Variants in MAGI1 observed in about 807,000 individuals in gnomAD.
The protein encoded by MAGI1 is membrane-associated guanylate kinase, WW and PDZ domain-containing protein 1.
Under a neutral mutation model 139.9 loss-of-function variants are expected in MAGI1, and 58 were observed. The observed-to-expected ratio is 0.41, with a 90% CI of 0.34 to 0.52. The LOEUF (loss-of-function observed/expected upper bound fraction) is 0.52. Among genes scored for constraint, MAGI1 ranks in the 20% least tolerant of loss-of-function variants. MAGI1 has a pLI of 0.12. For missense variants in MAGI1, 1,874 were observed against 1,901.6 expected (o/e 0.99, Z 0.27); for synonymous variants, 812 against 737.9 (o/e 1.10, Z -1.63).
chr3:65,430,739 G>A lies in MAGI1; in HGVS notation c.1506C>T (p.Val502=). Residue 502 remains valine (V), a synonymous_variant, in exon 11 of 23, where the codon GTC becomes GTT. Transcript: ENST00000402939. The part of the protein sequence containing the change: ...PDEFLQIKSL[V]LDGPAALDGK... Reference sequence around the variant, plus strand: ...CATCCAATGCAGCAGGACCATCTAGGACCAAGCTCTTGATCTGGAGAAACT... The same window carrying A: ...CATCCAATGCAGCAGGACCATCTAGAACCAAGCTCTTGATCTGGAGAAACT... The A allele has an allele frequency of 6.2e-7, 1 of 1,613,540 alleles. No individual in the cohort carries two copies. The highest frequency in any genetic ancestry group is 8.5e-7 in the Non-Finnish European group (1 of 1,179,744).
At chr3:65,553,512 T>C (rs1370873369) in intron 2 of MAGI1, among the ~76,000 whole-genome samples, 3 of 152,174 alleles carry the variant, frequency 2.0e-5, no homozygotes, top group African/African-American at 7.2e-5. Context: ...ACAATGGAGA[T>C]GTAACAGTGA....
At chr3:65,957,031 A>C (rs562741432) in intron 1 of MAGI1, among the ~76,000 whole-genome samples, 4 of 152,176 alleles carry the variant, frequency 2.6e-5, no homozygotes, top group Middle Eastern at 3.4e-3. Flanking sequence ...GGATTAGAAA[A>C]ATGCATAGTC....
intron 2 of MAGI1, among the ~76,000 whole-genome samples, chr3:65,589,998 TC>T (rs1470027094): frequency 6.6e-6 from 1 of 152,122 alleles, no homozygotes; most frequent in African/African-American, 2.4e-5. Context: ...CATGACTTAA[TC>T]CCTTCCCAGA....
At chr3:65,434,574 TGACA>T (rs1356814410) in intron 10 of MAGI1, among the ~76,000 whole-genome samples, 1 of 152,140 alleles carries the variant, frequency 6.6e-6, no homozygotes, top group African/African-American at 2.4e-5. Context: ...GGCTTCTTCC[TGACA>T]GTCTATCAAC....
chr3:65,775,502 CAAAAAAAAA>C (rs9311958), intron 1 of MAGI1, among the ~76,000 whole-genome samples: 1 of 36,594 alleles, frequency 2.7e-5, no homozygotes, highest in African/African-American at 1.1e-4. Flanking sequence ...CCCACTCTGC[CAAAAAAAAA>C]AAAAAAAAAA....
chr3:65,855,504 G>C (rs1200293531), intron 1 of MAGI1, among the ~76,000 whole-genome samples: 4 of 144,602 alleles, frequency 2.8e-5, no homozygotes, highest in African/African-American at 1.0e-4. Context: ...CAGAGACTGA[G>C]GCAGGGGGGA....
At chr3:65,770,630 T>G (rs571547650) in intron 1 of MAGI1, among the ~76,000 whole-genome samples, 67 of 152,342 alleles carry the variant, frequency 4.4e-4, no homozygotes, top group African/African-American at 1.5e-3. Flanking sequence ...ATGTGAGCAT[T>G]AGAAAAATAT....
At chr3:65,791,575 A>G (rs1045368550) in intron 1 of MAGI1, among the ~76,000 whole-genome samples, 3 of 152,236 alleles carry the variant, frequency 2.0e-5, no homozygotes, top group Non-Finnish European at 4.4e-5. Context: ...GACAAAGAAA[A>G]TGAATAAAAG....
intron 12 of MAGI1, among the ~76,000 whole-genome samples, chr3:65,408,467 A>C (rs557620275): frequency 2.0e-4 from 30 of 152,290 alleles, no homozygotes; most frequent in African/African-American, 6.7e-4. Flanking sequence ...TGATGAGTCA[A>C]AACAGTAAGA....
intron 1 of MAGI1, among the ~76,000 whole-genome samples, chr3:65,683,131 A>G (rs749791485): frequency 3.3e-5 from 5 of 152,168 alleles, no homozygotes; most frequent in Non-Finnish European, 5.9e-5. Flanking sequence ...CCAGCTGTGC[A>G]GCCCAGTTCC....
intron 1 of MAGI1, chr3:65,844,150 T>G (rs1328480536): frequency 1.9e-6 from 1 of 518,638 alleles, no homozygotes; most frequent in Non-Finnish European, 3.8e-6. Context: ...CCAAAAAGAG[T>G]GCTAAATTTT....
At chr3:65,799,385 G>A (rs552156462) in intron 1 of MAGI1, among the ~76,000 whole-genome samples, 4 of 152,296 alleles carry the variant, frequency 2.6e-5, no homozygotes, top group South Asian at 4.1e-4. Flanking sequence ...CCCCTAAAAT[G>A]AGTGACACTA....
At chr3:65,667,911 T>C (rs1385724861) in intron 1 of MAGI1, among the ~76,000 whole-genome samples, 1 of 152,166 alleles carries the variant, frequency 6.6e-6, no homozygotes, top group Non-Finnish European at 1.5e-5. Flanking sequence ...GCTGGACATG[T>C]GTATGGCACA....
intron 1 of MAGI1, among the ~76,000 whole-genome samples, chr3:65,903,948 C>A (rs991752793): frequency 2.0e-4 from 31 of 151,618 alleles, no homozygotes; most frequent in African/African-American, 7.0e-4. Flanking sequence ...GTGGAGGTTG[C>A]AGTGAGCCGA....
At chr3:65,777,975 T>A (rs750049690) in intron 1 of MAGI1, among the ~76,000 whole-genome samples, 11 of 152,228 alleles carry the variant, frequency 7.2e-5, no homozygotes, top group Non-Finnish European at 1.3e-4. Flanking sequence ...TAGGTATGCA[T>A]AATAATTCAT....
chr3:65,602,083 C>T (rs7629574), intron 2 of MAGI1, among the ~76,000 whole-genome samples: 6 of 151,926 alleles, frequency 3.9e-5, no homozygotes, highest in South Asian at 4.2e-4. Context: ...AAGTAAGTAA[C>T]GATGTTGATA....
At chr3:65,492,126 C>A (rs1193741228) in intron 3 of MAGI1, among the ~76,000 whole-genome samples, 1 of 152,138 alleles carries the variant, frequency 6.6e-6, no homozygotes, top group Non-Finnish European at 1.5e-5. Context: ...CCCGTGAATG[C>A]CTAATAAATC....
At chr3:65,501,217 A>G (rs965317314) in intron 2 of MAGI1, among the ~76,000 whole-genome samples, 3 of 152,148 alleles carry the variant, frequency 2.0e-5, no homozygotes, top group African/African-American at 4.8e-5. Flanking sequence ...GCGGTGGCAC[A>G]TATCTATAAT....
At chr3:65,866,135 T>A (rs933264912) in intron 1 of MAGI1, among the ~76,000 whole-genome samples, 1 of 151,288 alleles carries the variant, frequency 6.6e-6, no homozygotes, top group East Asian at 1.9e-4. Context: ...ATATAAAACA[T>A]GTAAATTATA....
Sources: gnomAD v4.1 joint callset for allele counts (sites outside exome capture counted in the v4.1 genomes callset) on GRCh38, gnomAD v4.1.1 for gene constraint, MANE v1.5 for transcripts, NCBI Gene and HGNC (gene_info 2026-07-23, HGNC 2026-07-21) for gene names.